C1orf50: variants seen among roughly 807,000 people sequenced by gnomAD.
The protein encoded by C1orf50 is uncharacterized protein C1orf50.
Under a neutral mutation model 23.3 loss-of-function variants are expected in C1orf50, and 22 were observed. The ratio of observed to expected loss-of-function variants is 0.94; its 90% CI spans 0.67 to 1.35. The LOEUF (loss-of-function observed/expected upper bound fraction) is 1.35. Among genes scored for constraint, C1orf50 ranks in the 40% most tolerant of loss-of-function variants. The pLI, the probability that C1orf50 is intolerant of heterozygous loss-of-function variation, is 0.00. For synonymous variants in C1orf50, 96 were observed against 102.4 expected, an observed-to-expected ratio of 0.94 and a Z score of 0.38; for missense variants, 271 against 249.4, an observed-to-expected ratio of 1.09 and a Z score of -0.58.
Position 42,767,293 on chromosome 1 carries a change from G to C in C1orf50, c.-19G>C. 1 of 1,491,462 alleles carries C rather than the reference G, an allele frequency of 6.7e-7. No individual in the cohort carries two copies. Among genetic ancestry groups the C allele is most frequent in the Non-Finnish European group, 8.9e-7 (1 of 1,125,840 alleles). The allele number at this position is 1,491,462 out of a possible 1,614,324, so 92.4% of individuals were successfully genotyped here. A position where few individuals can be genotyped will look rare whatever the true frequency, so the allele number is the denominator to read the frequency against. On this transcript the variant is annotated 5_prime_UTR_variant, in exon 1 of 5. Coordinates refer to ENST00000372525, the MANE Select transcript of C1orf50 (RefSeq NM_024097.4). ...TCCTACTCGCACAGCCCAGGGAGTG[G>C]GGAGGATAAGGCGCTGTCATGGAGG...
chr1:42,767,302 A>C lies in C1orf50; in HGVS notation c.-10A>C, dbSNP rs777769870. On this transcript the variant is annotated 5_prime_UTR_variant, in exon 1 of 5. It removes the in-frame stop codon of an upstream open reading frame in the 5' UTR. Transcript: ENST00000372525. ...CACAGCCCAGGGAGTGGGGAGGATA[A>C]GGCGCTGTCATGGAGGACGCCGCCG... 2.3e-5 allele frequency: 34 copies of C among 1,499,218 alleles called. No homozygotes were observed. The highest frequency in any genetic ancestry group is 2.9e-5 in the Non-Finnish European group (33 of 1,129,888). 92.9% of individuals were successfully genotyped at this position (1,499,218 alleles called of 1,614,324 possible). A position where few individuals can be genotyped will look rare whatever the true frequency, so the allele number is the denominator to read the frequency against.
chr1:42,772,684 C>T (rs951341024), intron 2 of C1orf50, among the ~76,000 whole-genome samples: 1 of 151,910 alleles, frequency 6.6e-6, no homozygotes, highest in Admixed American at 6.6e-5. Flanking sequence ...AGGAGGCTGA[C>T]ATTAGAGAAT....
chr1:42,771,977 A>G (rs78413311), intron 2 of C1orf50, among the ~76,000 whole-genome samples: 3 of 147,998 alleles, frequency 2.0e-5, no homozygotes, highest in African/African-American at 4.9e-5. Flanking sequence ...TCTGCCTCAA[A>G]AAAAAAAAAA....
Position 42,774,843 on chromosome 1 carries a change from A to G in C1orf50, c.389A>G (p.Gln130Arg). The change falls in exon 4 of 5, where the codon CAG (glutamine) becomes CGG (arginine). Residue 130 changes from glutamine to arginine, a missense_variant. Physicochemically the swap from Gln to Arg is conservative, Grantham distance 43 (BLOSUM62 1). Coordinates refer to ENST00000372525, the MANE Select transcript of C1orf50 (RefSeq NM_024097.4). ...CTCTATAAACGGGAGAGTGGTCAGC[A>G]GTATTTTTCCATCATTTCTCCAAAG... ...YYLYKRESGQ[Q>R]YFSIISPKEW... is the part of the protein sequence containing the mutation. The G allele has an allele frequency of 6.2e-7, 1 of 1,612,832 alleles. No individual in the cohort carries two copies.
At position 42,774,225 on chromosome 1, in the gene C1orf50, T is replaced by C. The variant is rs538198755; in HGVS notation, c.283-512T>C. ...TACCCAGGGTCATTAATGCTCAACA[T>C]TTTGAAATATCTTTTTTTTTGAGAT... On this transcript the variant is annotated intron_variant, in intron 3 of 4. Coordinates refer to ENST00000372525, the MANE Select transcript of C1orf50 (RefSeq NM_024097.4). Among the ~76,000 whole-genome samples the C allele has an allele frequency of 2.6e-5, 4 of 152,228 alleles. No homozygotes were observed. In the South Asian group the frequency reaches 8.3e-4, roughly 32 times the overall value.
rs56073841 is a variant in C1orf50, at chr1:42,767,380, A to C, written c.69A>C (p.Ala23=). 3,602 of 1,538,774 alleles carry C rather than the reference A, an allele frequency of 2.3e-3. 63 individuals are homozygous for C. In the African/African-American group the frequency reaches 0.043, roughly 18 times the overall value. The change falls in exon 1 of 5, where the codon GCA becomes GCC. Residue 23 remains alanine (A), a synonymous_variant. Transcript: ENST00000372525. ...VLERQGAPPA[A]GQGGALVELT... ...AAAGGCAAGGAGCGCCGCCAGCTGC[A>C]GGCCAGGGAGGTATGCGGGGCGGGA... is the stretch of plus-strand genomic sequence containing the variant.
chr1:42,772,911 T>G (rs1452029667), intron 2 of C1orf50, among the ~76,000 whole-genome samples: 1 of 152,190 alleles, frequency 6.6e-6, no homozygotes, highest in Non-Finnish European at 1.5e-5. Flanking sequence ...TAAGTAATAA[T>G]TAGAAATGCA....
At position 42,778,805 on chromosome 1, in the gene C1orf50, A is replaced by G. The variant is rs923833857; in HGVS notation, c.*3411A>G. 5 of 152,276 alleles carry G rather than the reference A, an allele frequency of 3.3e-5. No individual in the cohort carries two copies. Among genetic ancestry groups the G allele is most frequent in the African/African-American group, 1.2e-4 (5 of 41,440 alleles). 9.4% of individuals were successfully genotyped at this position (152,276 alleles called of 1,614,324 possible). A position where few individuals can be genotyped will look rare whatever the true frequency, so the allele number is the denominator to read the frequency against. On this transcript the variant is annotated 3_prime_UTR_variant, in exon 5 of 5. Coordinates refer to ENST00000372525, the MANE Select transcript of C1orf50 (RefSeq NM_024097.4). ...AGGAGAATATGGACTGGGGAATATG[A>G]GAGAAGAACTAATGGAAGGATTTGG...
At chr1:42,774,249 A>G (rs921746123) in intron 3 of C1orf50, among the ~76,000 whole-genome samples, 1 of 151,788 alleles carries the variant, frequency 6.6e-6, no homozygotes, top group African/African-American at 2.4e-5. Context: ...TTTTTTTGAG[A>G]TAGGGTATCA....
rs906460915 is a variant in C1orf50 at position 42,776,611 on chromosome 1, A to G, written c.*1217A>G. On this transcript the variant is annotated 3_prime_UTR_variant, in exon 5 of 5. Coordinates refer to ENST00000372525, the MANE Select transcript of C1orf50 (RefSeq NM_024097.4). Reference sequence around the variant, plus strand: ...TAAACTGCATTTCTTGTGAGCTGTAAGAGGTCTACCTAAGGCCTAGCACAG... The same window carrying G: ...TAAACTGCATTTCTTGTGAGCTGTAGGAGGTCTACCTAAGGCCTAGCACAG... 6.6e-6 allele frequency: 1 copy of G among 152,338 alleles called. No homozygotes were observed. Among genetic ancestry groups the G allele is most frequent in the Non-Finnish European group, 1.5e-5 (1 of 68,152 alleles). 9.4% of individuals were successfully genotyped at this position (152,338 alleles called of 1,614,324 possible). A position where few individuals can be genotyped will look rare whatever the true frequency, so the allele number is the denominator to read the frequency against.
chr1:42,771,286 T>C (rs771392565), intron 2 of C1orf50, among the ~76,000 whole-genome samples: 1 of 152,228 alleles, frequency 6.6e-6, no homozygotes, highest in Non-Finnish European at 1.5e-5. Flanking sequence ...TAAGCACTTG[T>C]GTTACGTTGT....
chr1:42,777,673 A>G lies in C1orf50; in HGVS notation c.*2279A>G, dbSNP rs1180340143. 6.6e-6 allele frequency: 1 copy of G among 152,220 alleles called. No individual in the cohort carries two copies. The highest frequency in any genetic ancestry group is 1.9e-4 in the East Asian group (1 of 5,188). 9.4% of individuals were successfully genotyped at this position (152,220 alleles called of 1,614,324 possible). On this transcript the variant is annotated 3_prime_UTR_variant, in exon 5 of 5. Coordinates refer to ENST00000372525, the MANE Select transcript of C1orf50 (RefSeq NM_024097.4). The stretch of plus-strand genomic sequence containing the variant: ...GGGAGGGAGTTATACAAAGGCATGT[A>G]TACCAGAAGGCAGACATCATTGAAT...
At chr1:42,771,359 A>C (rs1182884300) in intron 2 of C1orf50, among the ~76,000 whole-genome samples, 1 of 152,192 alleles carries the variant, frequency 6.6e-6, no homozygotes, top group East Asian at 1.9e-4. Flanking sequence ...AATTTAAAAA[A>C]CCTGATAATT....
chr1:42,774,645 T>G, intron 3 of C1orf50, 92 bp from the exon 4 acceptor site: 1 of 1,439,186 alleles, frequency 6.9e-7, no homozygotes, highest in Non-Finnish European at 9.4e-7. Flanking sequence ...TCCTAAGCAC[T>G]GAATGGTTTC....
At chr1:42,767,990 A>G (rs1014297887) in intron 2 of C1orf50, among the ~76,000 whole-genome samples, 1 of 152,206 alleles carries the variant, frequency 6.6e-6, no homozygotes, top group African/African-American at 2.4e-5. Flanking sequence ...AGGTCCGCTT[A>G]TTTTAAGCTG....
chr1:42,767,746 C>A, intron 2 of C1orf50, 122 bp downstream of exon 2: 1 of 875,482 alleles, frequency 1.1e-6, no homozygotes. Context: ...CTCCATTTTA[C>A]AGACGAGTAA....
chr1:42,771,353 TA>T (rs1479524949), intron 2 of C1orf50, among the ~76,000 whole-genome samples: 1 of 152,180 alleles, frequency 6.6e-6, no homozygotes, highest in African/African-American at 2.4e-5. Context: ...AATTTGAATT[TA>T]AAAAACCTGA....
In C1orf50 at chr1:42,775,440, T is replaced by C. The variant is rs1476305384; in HGVS notation, c.*46T>C. ...CTCTCACAGGACCTGGCTGTCAACC[T>C]CCTTGTTGCCCCCACTGTTGCCTTG... On this transcript the variant is annotated 3_prime_UTR_variant, in exon 5 of 5. Coordinates refer to ENST00000372525, the MANE Select transcript of C1orf50 (RefSeq NM_024097.4). 2.7e-6 allele frequency: 4 copies of C among 1,501,934 alleles called. No homozygotes were observed. Among genetic ancestry groups the C allele is most frequent in the Non-Finnish European group, 3.6e-6 (4 of 1,103,258 alleles). 93.0% of individuals were successfully genotyped at this position (1,501,934 alleles called of 1,614,324 possible).
chr1:42,767,401 CG>C lies in C1orf50; in HGVS notation c.79+14del. 1 of 1,556,258 alleles carries C rather than the reference CG, an allele frequency of 6.4e-7. No homozygotes were observed. Among genetic ancestry groups the C allele is most frequent in the Non-Finnish European group, 8.7e-7 (1 of 1,151,616 alleles). On this transcript the variant is annotated intron_variant, in intron 1 of 4. Transcript: ENST00000372525. ...CTGCAGGCCAGGGAGGTATGCGGGGCGGGAGTCAGCAGGGGGAAGTCAGCTC... is the reference window on the plus strand; with the variant it reads ...CTGCAGGCCAGGGAGGTATGCGGGGCGGAGTCAGCAGGGGGAAGTCAGCTC...
Sources: allele counts gnomAD v4.1 joint callset (sites outside exome capture counted in the v4.1 genomes callset), GRCh38; gene constraint gnomAD v4.1.1; transcripts MANE v1.5; gene names NCBI Gene and HGNC (gene_info 2026-07-23, HGNC 2026-07-21).